LRRC36: variants seen among roughly 807,000 people sequenced by gnomAD.
The protein encoded by LRRC36 is leucine rich repeat containing 36, also known as leucine-rich repeat-containing protein 36.
A neutral mutation model predicts 81.1 loss-of-function variants in LRRC36; 62 were observed. The observed-to-expected ratio is 0.76, with a 90% CI of 0.62 to 0.94. The LOEUF (loss-of-function observed/expected upper bound fraction) is 0.94. Ranked by LOEUF, LRRC36 falls within the 40% of genes least tolerant of loss-of-function variation. The probability of loss-of-function intolerance (pLI) is 0.00; values close to 1 mark genes in which losing one functional copy is unlikely to be tolerated. For missense variants in LRRC36, 761 were observed against 881.7 expected (o/e 0.86, Z 1.73); for synonymous variants, 334 against 348.6 (o/e 0.96, Z 0.47).
chr16:67,327,246 C>G (rs9936867), intron 1 of LRRC36, among the ~76,000 whole-genome samples: 5,785 of 152,228 alleles, frequency 0.038, 374 homozygotes, highest in African/African-American at 0.13. Context: ...GGGGCGGTGG[C>G]TGACCGCTGT....
intron 9 of LRRC36, among the ~76,000 whole-genome samples, chr16:67,374,118 CCCAGGAGTTCAAGACTACAGTGTG>C (rs1386956215): frequency 2.0e-5 from 3 of 152,030 alleles, no homozygotes; most frequent in Non-Finnish European, 4.4e-5. Context: ...ATTGCTTGAA[CCCAGGAGTTCAAGACTACAGTGTG>C]CCAAGATCAC....
At chr16:67,350,372 AC>A in intron 5 of LRRC36, 82 bp downstream of exon 5, 1 of 1,148,054 alleles carries the variant, frequency 8.7e-7, no homozygotes, top group Non-Finnish European at 1.3e-6. Context: ...TAAGATGAAG[AC>A]ACATAGTTGA....
chr16:67,383,818 G>T (rs1483859950), intron 13 of LRRC36, among the ~76,000 whole-genome samples: 1 of 152,082 alleles, frequency 6.6e-6, no homozygotes, highest in Admixed American at 6.5e-5. Context: ...TCCTGTCTTT[G>T]CTGTCCTTTC....
At chr16:67,340,437 G>A (rs114534741) in intron 1 of LRRC36, among the ~76,000 whole-genome samples, 5,163 of 152,026 alleles carry the variant, frequency 0.034, 133 homozygotes, top group South Asian at 0.069. Context: ...GCTGAGACTG[G>A]TGGATCACCT....
rs1281349084 is a variant in LRRC36, at chr16:67,376,787, G to A, written c.1721G>A (p.Cys574Tyr). 5 of 1,613,878 alleles carry A rather than the reference G, an allele frequency of 3.1e-6. No individual in the cohort carries two copies. Among genetic ancestry groups the A allele is most frequent in the Non-Finnish European group, 4.2e-6 (5 of 1,179,890 alleles). The change falls in exon 11 of 14, where the codon TGC (cysteine) becomes TAC (tyrosine). Residue 574 changes from cysteine (C) to tyrosine (Y), a missense_variant. Around this residue, in one of 3 missense-constraint regions of LRRC36, gnomAD observed 359 missense variants for 388.4 expected, o/e 0.92. Coordinates refer to ENST00000329956, the MANE Select transcript of LRRC36 (RefSeq NM_018296.6). Reference sequence around the variant, plus strand: ...CCGGCTCCTTCTCAGCCGAGGTGTTGCTCACATCCTGAAGACACGATGAAA... The same window carrying A: ...CCGGCTCCTTCTCAGCCGAGGTGTTACTCACATCCTGAAGACACGATGAAA... ...VVPAPSQPRC[C>Y]SHPEDTMKAF... is the part of the protein sequence containing the mutation.
At position 67,381,085 on chromosome 16, in the gene LRRC36, G is replaced by A. The variant is rs141475588; in HGVS notation, c.1931-1048G>A. Among the ~76,000 whole-genome samples the A allele has an allele frequency of 6.4e-3, 970 of 152,048 alleles. 8 individuals are homozygous for A. The highest frequency in any genetic ancestry group is 0.022 in the African/African-American group (899 of 41,460). On this transcript the variant is annotated intron_variant, in intron 12 of 13. Coordinates refer to ENST00000329956, the MANE Select transcript of LRRC36 (RefSeq NM_018296.6). ...CTAAAAATACAAAAATTAGCAGGGCGTGGTGGCATGTGCCTATAATCCCAG... is the reference window on the plus strand; with the variant it reads ...CTAAAAATACAAAAATTAGCAGGGCATGGTGGCATGTGCCTATAATCCCAG...
At chr16:67,358,721 G>A (rs1343611121) in intron 5 of LRRC36, among the ~76,000 whole-genome samples, 1 of 151,988 alleles carries the variant, frequency 6.6e-6, no homozygotes, top group East Asian at 1.9e-4. Context: ...AAAAAAATGT[G>A]GGCAGAGAAT....
Position 67,326,928 on chromosome 16 carries a change from G to T in LRRC36, c.66G>T (p.Gln22His). ...IRRLGALTLEQPELVESLSLQ... is the reference protein window; with the variant it reads ...IRRLGALTLEHPELVESLSLQ... ...GCCTGGGGGCGCTGACGCTGGAGCA[G>T]CCGGGTAGGGTCTGGCCGGGAGGGT... Residue 22 changes from glutamine to histidine, a missense_variant, in exon 1 of 14, where the codon CAG (glutamine) becomes CAT (histidine). Coordinates refer to ENST00000329956, the MANE Select transcript of LRRC36 (RefSeq NM_018296.6). The T allele has an allele frequency of 1.3e-6, 2 of 1,497,734 alleles. No homozygotes were observed. Among genetic ancestry groups the T allele is most frequent in the African/African-American group, 1.5e-5 (1 of 68,206 alleles). The allele number at this position is 1,497,734 out of a possible 1,614,324, so 92.8% of individuals were successfully genotyped here.
intron 5 of LRRC36, among the ~76,000 whole-genome samples, chr16:67,356,525 G>A (rs533272897): frequency 3.3e-5 from 5 of 152,340 alleles, no homozygotes; most frequent in African/African-American, 1.2e-4. Flanking sequence ...GGAAATGAGA[G>A]CAATTCAGCA....
intron 5 of LRRC36, chr16:67,362,356 T>C (rs1221905390): frequency 3.1e-6 from 1 of 327,074 alleles, no homozygotes; most frequent in African/African-American, 2.2e-5. Flanking sequence ...AGAGACGGGA[T>C]TTCACCAGGC....
intron 1 of LRRC36, among the ~76,000 whole-genome samples, chr16:67,337,326 C>T (rs927606292): frequency 4.6e-5 from 7 of 150,962 alleles, no homozygotes; most frequent in East Asian, 3.9e-4. Flanking sequence ...TCAAAAATGA[C>T]GTTTTAATTT....
At position 67,363,636 on chromosome 16, in the gene LRRC36, G is replaced by A; in HGVS notation, c.624G>A (p.Lys208=). 2 of 1,613,860 alleles carry A rather than the reference G, an allele frequency of 1.2e-6. No individual in the cohort carries two copies. Among genetic ancestry groups the A allele is most frequent in the Admixed American group, 3.3e-5 (2 of 60,022 alleles). The change falls in exon 6 of 14, where the codon AAG becomes AAA. Residue 208 remains lysine, a synonymous_variant. Coordinates refer to ENST00000329956, the MANE Select transcript of LRRC36 (RefSeq NM_018296.6). ...LFIPFPNREI[K]DSLSTSATQG... is the part of the protein sequence containing the mutation. ...TTCCCTTCCCCAACCGGGAAATAAA[G>A]GATTCCCTAAGTACTTCTGCAACTC...
intron 1 of LRRC36, among the ~76,000 whole-genome samples, chr16:67,338,084 CAA>C (rs548946212): frequency 7.4e-5 from 10 of 135,452 alleles, no homozygotes; most frequent in African/African-American, 2.4e-4. Context: ...AACTCCATCT[CAA>C]AAAAAAAAAA....
rs2040198470 is a variant in LRRC36 at position 67,383,841 on chromosome 16, CATCCTTCT to C, written c.2046-1026_2046-1019del. 2.0e-5 allele frequency among the ~76,000 whole-genome samples: 3 copies of C among 152,290 alleles called. No homozygotes were observed. In the East Asian group the frequency reaches 5.8e-4, roughly 29 times the overall value. On this transcript the variant is annotated intron_variant, in intron 13 of 13. Transcript: ENST00000329956. ...TTGCTGTCCTTTCCTTCCCTCCCAC[CATCCTTCT>C]ATTGTAGGTGTGGGTGTATATTTGT...
intron 4 of LRRC36, 35 bp downstream of exon 4, chr16:67,347,626 G>C (rs761397431): frequency 6.7e-7 from 1 of 1,503,286 alleles, no homozygotes; most frequent in Non-Finnish European, 9.2e-7. Flanking sequence ...TTAAAGTTTG[G>C]TTCTGGACAT....
chr16:67,367,818 T>C (rs1029445408), intron 8 of LRRC36, among the ~76,000 whole-genome samples: 1 of 152,156 alleles, frequency 6.6e-6, no homozygotes, highest in Non-Finnish European at 1.5e-5. Flanking sequence ...TTTGGGAGGC[T>C]GAGCCGGGTG....
intron 8 of LRRC36, 143 bp downstream of exon 8, chr16:67,367,600 C>T: frequency 1.4e-6 from 1 of 704,404 alleles, no homozygotes; most frequent in Non-Finnish European, 2.4e-6. Context: ...TTCTTGGAAC[C>T]TCGAGAAATC....
At chr16:67,328,168 T>C (rs1238200313) in intron 1 of LRRC36, among the ~76,000 whole-genome samples, 1 of 152,140 alleles carries the variant, frequency 6.6e-6, no homozygotes, top group Non-Finnish European at 1.5e-5. Flanking sequence ...TATTTACTCA[T>C]TTTGACTGTT....
intron 3 of LRRC36, among the ~76,000 whole-genome samples, chr16:67,346,831 C>T (rs2038371113): frequency 2.6e-5 from 4 of 152,058 alleles, no homozygotes; most frequent in Admixed American, 6.6e-5. Context: ...AATATTCCTT[C>T]AAATGAGCTG....
Sources: allele counts gnomAD v4.1 joint callset (sites outside exome capture counted in the v4.1 genomes callset), GRCh38; gene constraint gnomAD v4.1.1; regional missense constraint gnomAD v4.1.1; transcripts MANE v1.5; gene names NCBI Gene and HGNC (gene_info 2026-07-23, HGNC 2026-07-21).